The following ZDHHC4 variants were observed in gnomAD, a reference collection of about 807,000 sequenced individuals.
ZDHHC4 encodes palmitoyltransferase ZDHHC4.
In ZDHHC4, 42 loss-of-function variants were observed where a neutral mutation model predicts 36.7. The observed-to-expected ratio is 1.14, with a 90% CI of 0.89 to 1.48. The LOEUF is 1.48. ZDHHC4 is among the 40% of genes most tolerant of loss of function. ZDHHC4 has a pLI of 0.00. For missense variants in ZDHHC4, 457 were observed against 421.5 expected, an observed-to-expected ratio of 1.08 and a Z score of -0.74; for synonymous variants, 189 against 166.6, an observed-to-expected ratio of 1.13 and a Z score of -1.03.
chr7:6,580,411 T>A, intron 2 of ZDHHC4, 144 bp from the exon 3 acceptor site: 1 of 732,740 alleles, frequency 1.4e-6, no homozygotes, highest in Non-Finnish European at 2.4e-6. Context: ...GTTCTGTTTG[T>A]CTTTCTGCTT....
In ZDHHC4 at chr7:6,583,436, G is replaced by A; in HGVS notation, c.496+5G>A. 3 of 1,604,654 alleles carry A rather than the reference G, an allele frequency of 1.9e-6. No homozygotes were observed. The highest frequency in any genetic ancestry group is 2.6e-6 in the Non-Finnish European group (3 of 1,173,868). On this transcript the variant is annotated splice_donor_5th_base_variant and intron_variant, in intron 6 of 7. Transcript: ENST00000335965. ...CAGCTCGATCCAAGCACTGCAGTGA[G>A]TGTGGCTCTCGTGACTCCAGCGGCA...
At chr7:6,585,362 G>C (rs186187531) in intron 7 of ZDHHC4, 102 bp downstream of exon 7, 1 of 1,476,758 alleles carries the variant, frequency 6.8e-7, no homozygotes, top group South Asian at 1.3e-5. Context: ...GGTGGCTCAC[G>C]CCTATAATCC....
intron 7 of ZDHHC4, among the ~76,000 whole-genome samples, chr7:6,586,755 C>T (rs777306305): frequency 1.3e-5 from 2 of 151,800 alleles, no homozygotes; most frequent in Non-Finnish European, 2.9e-5. Flanking sequence ...GGATTACAGG[C>T]ATGAAACCCC....
At chr7:6,588,542 C>T (rs751741027) in intron 7 of ZDHHC4, 75 bp from the exon 8 acceptor site, 134 of 1,512,646 alleles carry the variant, frequency 8.9e-5, no homozygotes, top group Non-Finnish European at 1.1e-4. Flanking sequence ...GTGGCAGGCC[C>T]AGGGTTGGCC....
chr7:6,588,084 C>CA (rs1188944881), intron 7 of ZDHHC4, among the ~76,000 whole-genome samples: 4 of 152,116 alleles, frequency 2.6e-5, no homozygotes, highest in African/African-American at 9.7e-5. Flanking sequence ...AGGCTGGTGT[C>CA]AAACTCCTGA....
intron 6 of ZDHHC4, chr7:6,584,803 C>G (rs1233439308): frequency 2.4e-5 from 15 of 616,344 alleles, no homozygotes; most frequent in Non-Finnish European, 3.3e-5. Flanking sequence ...TCAGATTTGT[C>G]TTGTAGTCAG....
intron 1 of ZDHHC4, among the ~76,000 whole-genome samples, chr7:6,578,108 G>C (rs973129003): frequency 4.0e-5 from 6 of 151,768 alleles, no homozygotes; most frequent in African/African-American, 1.2e-4. Flanking sequence ...GGGATTATAG[G>C]CGTGAGCCAC....
chr7:6,584,818 C>T (rs1293613535), intron 6 of ZDHHC4, 198 bp from the exon 7 acceptor site: 3 of 671,686 alleles, frequency 4.5e-6, no homozygotes, highest in Non-Finnish European at 7.4e-6. Context: ...AGTCAGATTG[C>T]AAGTGCTCAA....
At chr7:6,585,734 A>G (rs1781197055) in intron 7 of ZDHHC4, among the ~76,000 whole-genome samples, 2 of 152,216 alleles carry the variant, frequency 1.3e-5, no homozygotes, top group Non-Finnish European at 2.9e-5. Flanking sequence ...TGAACCCGGG[A>G]GGGAGAGGTT....
intron 7 of ZDHHC4, 150 bp downstream of exon 7, chr7:6,585,410 G>A: frequency 5.3e-6 from 6 of 1,125,478 alleles, no homozygotes; most frequent in Non-Finnish European, 7.4e-6. Context: ...GATCGCATGA[G>A]GCTAGGAGTT....
rs758868441 is a variant in ZDHHC4 at position 6,580,570 on chromosome 7, T to C, written c.9T>C (p.Phe3=). The C allele has an allele frequency of 1.3e-5, 21 of 1,614,070 alleles. No individual in the cohort carries two copies. Among genetic ancestry groups the C allele is most frequent in the Non-Finnish European group, 1.7e-5 (20 of 1,180,032 alleles). The change falls in exon 3 of 8, where the codon TTT becomes TTC. Residue 3 remains phenylalanine (F), a synonymous_variant. Coordinates refer to ENST00000335965, the MANE Select transcript of ZDHHC4 (RefSeq NM_001134389.2). MD[F]LVLFLFYLAS... ...TCCTTTGTAGCTGCAGGATGGACTT[T>C]CTGGTCCTCTTCTTGTTCTACCTGG...
At chr7:6,582,283 GA>G (rs1243349647) in intron 5 of ZDHHC4, 32 bp downstream of exon 5, 1 of 1,601,090 alleles carries the variant, frequency 6.2e-7, no homozygotes, top group Non-Finnish European at 8.5e-7. Flanking sequence ...ACAGCATGGT[GA>G]CAGCTCCACT....
At chr7:6,582,541 G>A (rs770736246) in intron 5 of ZDHHC4, among the ~76,000 whole-genome samples, 5 of 151,974 alleles carry the variant, frequency 3.3e-5, no homozygotes, top group Non-Finnish European at 7.4e-5. Context: ...TTCTTAAGAC[G>A]GAGTCACGCT....
Position 6,585,048 on chromosome 7 carries a change from C to G in ZDHHC4, c.529C>G (p.His177Asp). Residue 177 changes from histidine (H) to aspartate (D), a missense_variant, in exon 7 of 8, where the codon CAT becomes GAT. By Grantham distance (81) the His-to-Asp change is moderately conservative (BLOSUM62 -1). Coordinates refer to ENST00000335965, the MANE Select transcript of ZDHHC4 (RefSeq NM_001134389.2). Reference protein sequence around the residue: ...VCNWCVHRFDHHCVWVNNCIG... With the variant: ...VCNWCVHRFDDHCVWVNNCIG... Reference sequence around the variant, plus strand: ...TAACTGGTGTGTGCACCGTTTCGACCATCACTGTGTTTGGGTGAACAACTG... The same window carrying G: ...TAACTGGTGTGTGCACCGTTTCGACGATCACTGTGTTTGGGTGAACAACTG... The G allele has an allele frequency of 6.2e-7, 1 of 1,614,170 alleles. No individual in the cohort carries two copies.
At chr7:6,583,507 C>A in intron 6 of ZDHHC4, 76 bp downstream of exon 6, 1 of 1,537,688 alleles carries the variant, frequency 6.5e-7, no homozygotes, top group Non-Finnish European at 8.7e-7. Context: ...GGAATGTTTC[C>A]TGAATCCGAA....
At chr7:6,582,878 A>C (rs1414123364) in intron 5 of ZDHHC4, among the ~76,000 whole-genome samples, 1 of 152,170 alleles carries the variant, frequency 6.6e-6, no homozygotes, top group African/African-American at 2.4e-5. Flanking sequence ...GCCATTATTA[A>C]AAATGAATTG....
intron 6 of ZDHHC4, chr7:6,583,739 T>C (rs867969553): frequency 1.6e-5 from 4 of 251,086 alleles, no homozygotes; most frequent in South Asian, 1.6e-4. Flanking sequence ...CAAAGCCTAG[T>C]CTTCTGGGGA....
intron 7 of ZDHHC4, among the ~76,000 whole-genome samples, chr7:6,585,853 T>C (rs369991217): frequency 3.3e-5 from 5 of 151,750 alleles, no homozygotes; most frequent in Admixed American, 6.6e-5. Flanking sequence ...TAAACTGATA[T>C]AAAATTCACA....
At position 6,583,702 on chromosome 7, in the gene ZDHHC4, ATGTTG is replaced by A. The variant is rs2115175127; in HGVS notation, c.496+276_496+280del. 3 of 339,504 alleles carry A rather than the reference ATGTTG, an allele frequency of 8.8e-6. No homozygotes were observed. In the South Asian group the frequency reaches 1.8e-4, roughly 20 times the overall value. The allele number at this position is 339,504 out of a possible 1,614,324, so 21.0% of individuals were successfully genotyped here. Reference sequence around the variant, plus strand: ...TGCTCCCCACAAGTTGTTTCTGCGGATGTTGTGTTTGCAGATTTCAGTCCTACAAA... The same window carrying A: ...TGCTCCCCACAAGTTGTTTCTGCGGATGTTTGCAGATTTCAGTCCTACAAA... On this transcript the variant is annotated intron_variant, in intron 6 of 7. Coordinates refer to ENST00000335965, the MANE Select transcript of ZDHHC4 (RefSeq NM_001134389.2).
Sources: gnomAD v4.1 joint callset for allele counts (sites outside exome capture counted in the v4.1 genomes callset) on GRCh38, gnomAD v4.1.1 for gene constraint, MANE v1.5 for transcripts, NCBI Gene and HGNC (gene_info 2026-07-23, HGNC 2026-07-21) for gene names.